Variants in RNASE4 observed in about 807,000 individuals in gnomAD.
The protein encoded by RNASE4 is ribonuclease 4.
For missense variants in RNASE4, 194 were observed against 192.8 expected (o/e 1.01, Z -0.04); for synonymous variants, 93 against 71.4 (o/e 1.30, Z -1.52).
chr14:20,692,975 GTAGC>G, intron 1 of RNASE4, among the ~76,000 whole-genome samples: 1 of 151,560 alleles, frequency 6.6e-6, no homozygotes, highest in Non-Finnish European at 1.5e-5. Flanking sequence ...AGCCTCCCGA[GTAGC>G]TGGGACTACA....
chr14:20,696,731 TAA>T (rs34394955), intron 1 of RNASE4, among the ~76,000 whole-genome samples: 2,147 of 145,006 alleles, frequency 0.015, 49 homozygotes, highest in African/African-American at 0.047. Flanking sequence ...ATGGAAGTGG[TAA>T]AAAAAAAAAA....
At chr14:20,685,161 A>G (rs976104180) in intron 1 of RNASE4, among the ~76,000 whole-genome samples, 1 of 152,068 alleles carries the variant, frequency 6.6e-6, no homozygotes, top group African/African-American at 2.4e-5. Flanking sequence ...ACATTTGGGG[A>G]TCGGTGTTTT....
intron 1 of RNASE4, among the ~76,000 whole-genome samples, chr14:20,686,352 G>GC (rs139608804): frequency 0.049 from 7,451 of 152,322 alleles, 201 homozygotes; most frequent in Middle Eastern, 0.099. Context: ...AGATAATCAG[G>GC]TTATAAGCAG....
At chr14:20,688,966 C>T (rs1886556299) in intron 1 of RNASE4, 1 of 628,454 alleles carries the variant, frequency 1.6e-6, no homozygotes, top group African/African-American at 2.0e-5. Flanking sequence ...CCTCCAGGCT[C>T]AAGCTCATGA....
rs948154500 is a variant in RNASE4, at chr14:20,700,910, T to G, written c.*1095T>G. 5 of 152,148 alleles carry G rather than the reference T, an allele frequency of 3.3e-5. No individual in the cohort carries two copies. The East Asian group carries it at 5.8e-4, about 18-fold the overall frequency. The allele number at this position is 152,148 out of a possible 1,614,324, so 9.4% of individuals were successfully genotyped here. ...AGCAACTGAAGAACCACAAAAGAAG[T>G]GAAAATAACCAATTCCTGCCTTAAC... On this transcript the variant is annotated 3_prime_UTR_variant, in exon 2 of 2. Transcript: ENST00000555835.
chr14:20,688,719 A>G, intron 1 of RNASE4: 2 of 985,232 alleles, frequency 2.0e-6, no homozygotes, highest in South Asian at 4.7e-5. Flanking sequence ...TGTCCCTGCC[A>G]GGACTGGGAC....
intron 1 of RNASE4, chr14:20,699,100 T>C: frequency 2.5e-6 from 1 of 404,706 alleles, no homozygotes; most frequent in Non-Finnish European, 4.5e-6. Flanking sequence ...CCCTGCCCTG[T>C]GTCATTGTAC....
Position 20,699,354 on chromosome 14 carries a change from G to C in RNASE4, c.-17-1G>C. The C allele has an allele frequency of 1.9e-6, 3 of 1,554,848 alleles. No individual in the cohort carries two copies. Among genetic ancestry groups the C allele is most frequent in the Non-Finnish European group, 2.6e-6 (3 of 1,151,944 alleles). ...CTCCTGCCCCTTGCTTTCTTTTCTA[G>C]GCACCTCTAAGATACTGATGGCTCT... On this transcript the variant is annotated splice_acceptor_variant, in intron 1 of 1. Coordinates refer to ENST00000555835, the MANE Select transcript of RNASE4 (RefSeq NM_002937.5). LOFTEE classifies it low-confidence loss of function (5UTR_SPLICE).
At chr14:20,692,860 T>G (rs751808244) in intron 1 of RNASE4, among the ~76,000 whole-genome samples, 3 of 152,310 alleles carry the variant, frequency 2.0e-5, no homozygotes, top group Non-Finnish European at 4.4e-5. Flanking sequence ...GTTTTTATTT[T>G]TTTCCGAGAC....
chr14:20,693,550 C>A, intron 1 of RNASE4: 1 of 1,611,322 alleles, frequency 6.2e-7, no homozygotes, highest in Non-Finnish European at 8.5e-7. Context: ...TCCGCAGGAG[C>A]CTGTGTTGGA....
chr14:20,692,455 G>T lies in RNASE4; in HGVS notation c.-17-6900G>T, dbSNP rs553125029. ...CCTGGGCTCAGGGTTCCCTAGAACA[G>T]AGGTCCCCAAATCCCGGTCTGTGGC... is the stretch of plus-strand genomic sequence containing the variant. On this transcript the variant is annotated intron_variant, in intron 1 of 1. Transcript: ENST00000555835. 3.3e-5 allele frequency among the ~76,000 whole-genome samples: 5 copies of T among 152,386 alleles called. No individual in the cohort carries two copies. The South Asian group carries it at 8.3e-4, about 25-fold the overall frequency.
chr14:20,692,497 T>G (rs972457942), intron 1 of RNASE4, among the ~76,000 whole-genome samples: 15 of 152,274 alleles, frequency 9.9e-5, no homozygotes, highest in African/African-American at 3.4e-4. Context: ...GCCTAAGCTC[T>G]GCCTCCTGCC....
chr14:20,698,541 T>C (rs1331996293), intron 1 of RNASE4, among the ~76,000 whole-genome samples: 1 of 152,266 alleles, frequency 6.6e-6, no homozygotes, highest in Non-Finnish European at 1.5e-5. Flanking sequence ...CTCATTTCAC[T>C]TATTAGTTCA....
rs1305344901 is a variant in RNASE4 at position 20,700,585 on chromosome 14, A to C, written c.*770A>C. 3.0e-5 allele frequency: 5 copies of C among 167,026 alleles called. No homozygotes were observed. The highest frequency in any genetic ancestry group is 1.2e-4 in the African/African-American group (5 of 41,422). 10.3% of individuals were successfully genotyped at this position (167,026 alleles called of 1,614,324 possible). A position where few individuals can be genotyped will look rare whatever the true frequency, so the allele number is the denominator to read the frequency against. ...GTTTTCCTTGTAATAAAGGACCTAA[A>C]CCGAAGGTACCTGAGAAGACTGTGC... On this transcript the variant is annotated 3_prime_UTR_variant, in exon 2 of 2. Coordinates refer to ENST00000555835, the MANE Select transcript of RNASE4 (RefSeq NM_002937.5).
intron 1 of RNASE4, among the ~76,000 whole-genome samples, chr14:20,687,069 GT>G (rs1886460293): frequency 6.6e-6 from 1 of 152,022 alleles, no homozygotes; most frequent in Non-Finnish European, 1.5e-5. Flanking sequence ...AATATATGAG[GT>G]TTTTTGCAAT....
intron 1 of RNASE4, among the ~76,000 whole-genome samples, chr14:20,696,963 G>T (rs1193490431): frequency 6.6e-6 from 1 of 152,124 alleles, no homozygotes; most frequent in Non-Finnish European, 1.5e-5. Flanking sequence ...TGTGAGTCAG[G>T]GTGGTGCAGT....
chr14:20,699,533 C>A lies in RNASE4; in HGVS notation c.162C>A (p.Asn54Lys). The change falls in exon 2 of 2, where the codon AAC (asparagine) becomes AAA (lysine). Residue 54 changes from asparagine (N) to lysine (K), a missense_variant. Transcript: ENST00000555835. ...CAGGTGGCAGTGATCGCTACTGCAA[C>A]TTGATGATGCAAAGACGGAAGATGA... is the stretch of plus-strand genomic sequence containing the variant. The part of the protein sequence containing the change: ...EETGGSDRYC[N>K]LMMQRRKMTL... 6.2e-7 allele frequency: 1 copy of A among 1,614,220 alleles called. No individual in the cohort carries two copies. Among genetic ancestry groups the A allele is most frequent in the South Asian group, 1.1e-5 (1 of 91,082 alleles).
chr14:20,693,928 GCGGGGTTCAGAAA>G lies in RNASE4; in HGVS notation c.-17-5424_-17-5412del, dbSNP rs769750815. 1.1e-5 allele frequency: 18 copies of G among 1,614,180 alleles called. No individual in the cohort carries two copies. The South Asian group carries it at 2.0e-4, about 18-fold the overall frequency. On this transcript the variant is annotated intron_variant, in intron 1 of 1. Coordinates refer to ENST00000555835, the MANE Select transcript of RNASE4 (RefSeq NM_002937.5). ...GCCTCCATGCCAGTACCGAGCCACA[GCGGGGTTCAGAAA>G]CGTTGTTGTTGCTTGTGAAAATGGC...
chr14:20,697,695 C>A lies in RNASE4; in HGVS notation c.-17-1660C>A, dbSNP rs536149508. Among the ~76,000 whole-genome samples the A allele has an allele frequency of 6.6e-5, 10 of 152,314 alleles. No individual in the cohort carries two copies. The South Asian group carries it at 2.1e-3, about 32-fold the overall frequency. On this transcript the variant is annotated intron_variant, in intron 1 of 1. Transcript: ENST00000555835. ...CGAAGCAGAATTTGAAATCAAAAGA[C>A]AATAGTACCCATATACATCAAACTA...
Sources: gnomAD v4.1 joint callset for allele counts (sites outside exome capture counted in the v4.1 genomes callset) on GRCh38, gnomAD v4.1.1 for gene constraint, MANE v1.5 for transcripts, NCBI Gene and HGNC (gene_info 2026-07-23, HGNC 2026-07-21) for gene names.